The following CD163 variants were observed in gnomAD, a reference collection of about 807,000 sequenced individuals.
The protein encoded by CD163 is CD163 molecule, also known as scavenger receptor cysteine-rich type 1 protein M130.
In CD163, 64 loss-of-function variants were observed where a neutral mutation model predicts 129.2. That is an observed-to-expected ratio of 0.50 (90% confidence interval 0.41 to 0.61). CD163 has a LOEUF of 0.61. Ranked by LOEUF, CD163 falls within the 20% of genes least tolerant of loss-of-function variation. The pLI, the probability that CD163 is intolerant of heterozygous loss-of-function variation, is 0.00. For synonymous variants in CD163, 446 were observed against 478.5 expected, an observed-to-expected ratio of 0.93 and a Z score of 0.89; for missense variants, 1,061 against 1,377.9, an observed-to-expected ratio of 0.77 and a Z score of 3.64.
chr12:7,492,928 C>T (rs1290496093), intron 6 of CD163, among the ~76,000 whole-genome samples: 1 of 152,128 alleles, frequency 6.6e-6, no homozygotes, highest in East Asian at 1.9e-4. Flanking sequence ...GTCCTTCCTC[C>T]CAAACCCACA....
chr12:7,480,093 G>A (rs1385213105), intron 15 of CD163, 180 bp from the exon 16 acceptor site: 2 of 1,125,676 alleles, frequency 1.8e-6, no homozygotes, highest in African/African-American at 3.2e-5. Context: ...CCATAACTAG[G>A]AAGAAAAGCA....
At chr12:7,480,671 G>T in intron 15 of CD163, 1 of 165,190 alleles carries the variant, frequency 6.1e-6, no homozygotes, top group Non-Finnish European at 1.3e-5. Flanking sequence ...TAAGTGAGTA[G>T]GTTTTAGCTG....
At chr12:7,483,819 ATATATG>A (rs1401171393) in intron 11 of CD163, 144 bp from the exon 12 acceptor site, 2 of 44,590 alleles carry the variant, frequency 4.5e-5, no homozygotes, top group African/African-American at 8.6e-5. Flanking sequence ...ATTTATATAT[ATATATG>A]TATATATATA....
intron 5 of CD163, among the ~76,000 whole-genome samples, chr12:7,495,749 G>A (rs980528651): frequency 8.5e-5 from 13 of 152,116 alleles, no homozygotes; most frequent in Non-Finnish European, 1.5e-4. Context: ...GGTCATTAGA[G>A]AAATGCAAAT....
At position 7,483,364 on chromosome 12, in the gene CD163, T is replaced by C; in HGVS notation, c.3088+3A>G. ...AAGCTCAATCCAGGCTTCTGGCACT[T>C]ACCTGTGCAATTCACTGCAGCGTCT... On this transcript the variant is annotated splice_donor_region_variant and intron_variant, in intron 12 of 16. Transcript: ENST00000432237. 6.2e-7 allele frequency: 1 copy of C among 1,609,534 alleles called. No individual in the cohort carries two copies. Among genetic ancestry groups the C allele is most frequent in the Middle Eastern group, 1.8e-4 (1 of 5,448 alleles).
intron 5 of CD163, 57 bp from the exon 6 acceptor site, chr12:7,495,458 G>T: frequency 6.6e-7 from 1 of 1,507,098 alleles, no homozygotes; most frequent in Non-Finnish European, 9.0e-7. Flanking sequence ...GCTTCCAGAG[G>T]ATTTTTTTTT....
chr12:7,491,097 C>T (rs1949320907), intron 6 of CD163, among the ~76,000 whole-genome samples: 1 of 151,870 alleles, frequency 6.6e-6, no homozygotes, highest in Non-Finnish European at 1.5e-5. Flanking sequence ...TCATTTGGAC[C>T]CATCTTGAAC....
At chr12:7,477,426 G>A (rs1949102307) in intron 16 of CD163, among the ~76,000 whole-genome samples, 1 of 152,170 alleles carries the variant, frequency 6.6e-6, no homozygotes, top group Non-Finnish European at 1.5e-5. Context: ...ATGAGTTCAT[G>A]TCCTTTGCAG....
At chr12:7,488,186 C>A in intron 6 of CD163, 99 bp from the exon 7 acceptor site, 1 of 1,249,520 alleles carries the variant, frequency 8.0e-7, no homozygotes. Context: ...AAATGGAGAC[C>A]AGGGTGCTCA....
Position 7,495,221 on chromosome 12 carries a change from T to A in CD163, c.1280A>T (p.Tyr427Phe). 6.2e-7 allele frequency: 1 copy of A among 1,614,122 alleles called. No individual in the cohort carries two copies. The highest frequency in any genetic ancestry group is 8.5e-7 in the Non-Finnish European group (1 of 1,179,994). The change falls in exon 6 of 17, where the codon TAC (tyrosine) becomes TTC (phenylalanine). Residue 427 changes from tyrosine to phenylalanine, a missense_variant. Coordinates refer to ENST00000432237, the MANE Select transcript of CD163 (RefSeq NM_203416.4). ...GSALKTSYQV[Y>F]SKIQATNTWL... ...TGTGTTTGTTGCCTGGATTTTGGAG[T>A]ACACTTGATAAGATGTTTTGAGTGC...
At chr12:7,490,757 C>T (rs1949316667) in intron 6 of CD163, among the ~76,000 whole-genome samples, 1 of 151,926 alleles carries the variant, frequency 6.6e-6, no homozygotes, top group South Asian at 2.1e-4. Context: ...ATATAGAATA[C>T]CTCAACATGT....
At chr12:7,475,228 A>G (rs1243307189) in intron 16 of CD163, among the ~76,000 whole-genome samples, 1 of 152,104 alleles carries the variant, frequency 6.6e-6, no homozygotes, top group Non-Finnish European at 1.5e-5. Context: ...CTCCTCCCTA[A>G]CTCATTTTAT....
Position 7,487,437 on chromosome 12 carries a change from G to T in CD163, c.1972C>A (p.His658Asn). The stretch of plus-strand genomic sequence containing the variant: ...GCAGTTACAGGACAATCTCCCATGT[G>T]CTGCTCAGTCCCAGTGCAGTGAAAC... ...HMFHCTGTEQHMGDCPVTALG... is the reference protein window; with the variant it reads ...HMFHCTGTEQNMGDCPVTALG... The change falls in exon 8 of 17, where the codon CAC becomes AAC. Residue 658 changes from histidine (H) to asparagine (N), a missense_variant. Transcript: ENST00000432237. This position sits in a 1 kb window ranked among gnomAD's most constrained non-coding sequence, Gnocchi z 5.1. 6.2e-7 allele frequency: 1 copy of T among 1,613,962 alleles called. No individual in the cohort carries two copies. The highest frequency in any genetic ancestry group is 8.5e-7 in the Non-Finnish European group (1 of 1,179,916).
chr12:7,485,432 G>A lies in CD163; in HGVS notation c.2459-16C>T. On this transcript the variant is annotated splice_polypyrimidine_tract_variant and intron_variant, in intron 10 of 16. Transcript: ENST00000432237. The surrounding 1 kb of genome is among the most constrained non-coding windows in gnomAD (Gnocchi z 4.5). Reference sequence around the variant, plus strand: ...GACATGAATTCTGCAGCGAAACATAGAATTAGTAGTTTTGCATCTTTTCTG... The same window carrying A: ...GACATGAATTCTGCAGCGAAACATAAAATTAGTAGTTTTGCATCTTTTCTG... 1 of 1,593,716 alleles carries A rather than the reference G, an allele frequency of 6.3e-7. No homozygotes were observed. Among genetic ancestry groups the A allele is most frequent in the Middle Eastern group, 1.7e-4 (1 of 5,972 alleles).
At chr12:7,482,826 T>A (rs770129547) in intron 13 of CD163, 64 bp from the exon 14 acceptor site, 1 of 1,598,526 alleles carries the variant, frequency 6.3e-7, no homozygotes, top group South Asian at 1.1e-5. Flanking sequence ...GGTCCCTAGT[T>A]ACTGATTCTC....
At chr12:7,499,623 C>G (rs1466225294) in intron 3 of CD163, among the ~76,000 whole-genome samples, 1 of 152,156 alleles carries the variant, frequency 6.6e-6, no homozygotes, top group African/African-American at 2.4e-5. Flanking sequence ...AAGTACTACA[C>G]TGTTTTAGCT....
Position 7,487,905 on chromosome 12 carries a change from C to T in CD163, c.1603G>A (p.Glu535Lys). The change falls in exon 7 of 17, where the codon GAG becomes AAG. Residue 535 changes from glutamate to lysine, a missense_variant. Physicochemically the swap from Glu to Lys is moderately conservative, Grantham distance 56 (BLOSUM62 1). Coordinates refer to ENST00000432237, the MANE Select transcript of CD163 (RefSeq NM_203416.4). The surrounding 1 kb of genome is among the most constrained non-coding windows in gnomAD (Gnocchi z 5.1). ...VSILGGAHFG[E>K]GNGQIWAEEF... Reference sequence around the variant, plus strand: ...TCAGCCCAGATCTGTCCATTTCCCTCTCCAAAGTGAGCTCCCCCCAGGATA... The same window carrying T: ...TCAGCCCAGATCTGTCCATTTCCCTTTCCAAAGTGAGCTCCCCCCAGGATA... 1 of 1,614,126 alleles carries T rather than the reference C, an allele frequency of 6.2e-7. No individual in the cohort carries two copies.
chr12:7,499,036 T>C lies in CD163; in HGVS notation c.610A>G (p.Ser204Gly). 1.2e-6 allele frequency: 2 copies of C among 1,614,188 alleles called. No homozygotes were observed. The highest frequency in any genetic ancestry group is 1.7e-6 in the Non-Finnish European group (2 of 1,180,020). ...SVICRQLECG[S>G]AVSFSGSSNF... is the part of the protein sequence containing the mutation. The stretch of plus-strand genomic sequence containing the variant: ...GATGAACCAGAGAAACTGACAGCAC[T>C]TCCACATTCAAGTTGTCTACAAATG... Residue 204 changes from serine to glycine, a missense_variant, in exon 4 of 17, where the codon AGT (serine) becomes GGT (glycine). Ser to Gly is a moderately conservative substitution (Grantham distance 56). Transcript: ENST00000432237.
In CD163 at chr12:7,503,653, C is replaced by T. The variant is rs1279317244; in HGVS notation, c.38G>A (p.Gly13Glu). The T allele has an allele frequency of 9.4e-6, 15 of 1,600,096 alleles. No individual in the cohort carries two copies. In the East Asian group the frequency reaches 1.8e-4, roughly 19 times the overall value. Reference protein sequence around the residue: ...KLRMVLLEDSGSADFRRHFVN... With the variant: ...KLRMVLLEDSESADFRRHFVN... ...AAATGAGAAGCTTTTACCAGCAGAT[C>T]CAGAGTCTTCAAGTAGCACCATTCT... The change falls in exon 1 of 17, where the codon GGA becomes GAA. Residue 13 changes from glycine (G) to glutamate (E), a missense_variant. Transcript: ENST00000432237.
Sources: gnomAD v4.1 joint callset for allele counts (sites outside exome capture counted in the v4.1 genomes callset) on GRCh38, gnomAD v4.1.1 for gene constraint, Gnocchi (gnomAD v3.1) non-coding constraint, MANE v1.5 for transcripts, NCBI Gene and HGNC (gene_info 2026-07-23, HGNC 2026-07-21) for gene names.